ARMC6: variants seen among roughly 807,000 people sequenced by gnomAD.
ARMC6 encodes the protein armadillo repeat containing 6.
Under a neutral mutation model 49.2 loss-of-function variants are expected in ARMC6, and 43 were observed. The ratio of observed to expected loss-of-function variants is 0.87; its 90% CI spans 0.69 to 1.13. ARMC6 has a LOEUF of 1.13. Among genes scored for constraint, ARMC6 ranks in the 50% most tolerant of loss-of-function variants. ARMC6 has a pLI of 0.00. For missense variants in ARMC6, 627 were observed against 682.0 expected (o/e 0.92, Z 0.90); for synonymous variants, 262 against 289.6 (o/e 0.90, Z 0.97).
At chr19:19,034,318 G>C (rs1403490838) in intron 2 of ARMC6, 80 bp downstream of exon 2, 3 of 1,502,736 alleles carry the variant, frequency 2.0e-6, no homozygotes, top group Non-Finnish European at 2.7e-6. Flanking sequence ...TTTGAAGGCT[G>C]TCTCTTGAGT....
intron 4 of ARMC6, among the ~76,000 whole-genome samples, chr19:19,051,248 G>T (rs4808180): frequency 0.064 from 9,814 of 152,252 alleles, 381 homozygotes; most frequent in Middle Eastern, 0.15. Flanking sequence ...TCAACTGGAT[G>T]GTTCTTCTGC....
rs773140679 is a variant in ARMC6, at chr19:19,051,980, G to A, written c.638G>A (p.Arg213Gln). 8.7e-6 allele frequency: 14 copies of A among 1,613,930 alleles called. No individual in the cohort carries two copies. Among genetic ancestry groups the A allele is most frequent in the Admixed American group, 6.7e-5 (4 of 60,008 alleles). The change falls in exon 5 of 9, where the codon CGG becomes CAG. Residue 213 changes from arginine to glutamine, a missense_variant. By Grantham distance (43) the Arg-to-Gln change is conservative (BLOSUM62 1). Coordinates refer to ENST00000535612, the MANE Select transcript of ARMC6 (RefSeq NM_001199196.2). ...GCTTGCCTGAAACATGAACAGAATC[G>A]GCAAGACCTGGTGAAAGCTGGCGTG... ...RHACLKHEQN[R>Q]QDLVKAGVLP... is the part of the protein sequence containing the mutation.
intron 4 of ARMC6, among the ~76,000 whole-genome samples, chr19:19,048,042 C>G (rs951318326): frequency 6.6e-6 from 1 of 151,968 alleles, no homozygotes; most frequent in Non-Finnish European, 1.5e-5. Context: ...CAAAACCCAT[C>G]TCTACAAAAA....
At position 19,054,279 on chromosome 19, in the gene ARMC6, C is replaced by T. The variant is rs773595219; in HGVS notation, c.981C>T (p.Ala327=). 2.4e-5 allele frequency: 39 copies of T among 1,607,788 alleles called. No homozygotes were observed. The highest frequency in any genetic ancestry group is 4.4e-5 in the South Asian group (4 of 90,256). The change falls in exon 6 of 9, where the codon GCC becomes GCT. Residue 327 remains alanine, a synonymous_variant. Transcript: ENST00000535612. Reference sequence around the variant, plus strand: ...TGAGCATTCTGGTGTCCCTGCTAGCCGACTGCAATGACCACCAGATGAGGG... The same window carrying T: ...TGAGCATTCTGGTGTCCCTGCTAGCTGACTGCAATGACCACCAGATGAGGG... ...GGLSILVSLL[A]DCNDHQMRDQ... is the part of the protein sequence containing the mutation.
At chr19:19,049,626 T>G (rs1289480381) in intron 4 of ARMC6, among the ~76,000 whole-genome samples, 1 of 152,252 alleles carries the variant, frequency 6.6e-6, no homozygotes, top group African/African-American at 2.4e-5. Flanking sequence ...ATCCATGACT[T>G]GCGATACTGA....
At chr19:19,040,594 G>T (rs921695461) in intron 2 of ARMC6, 7 of 248,862 alleles carry the variant, frequency 2.8e-5, no homozygotes, top group African/African-American at 1.2e-4. Context: ...CTGGATTCTT[G>T]GCCAGTTTTC....
chr19:19,036,514 C>T (rs962838770), intron 2 of ARMC6, among the ~76,000 whole-genome samples: 2 of 152,176 alleles, frequency 1.3e-5, no homozygotes, highest in African/African-American at 4.8e-5. Flanking sequence ...AGGTAAAGAT[C>T]TTGAGGGCCA....
At position 19,050,715 on chromosome 19, in the gene ARMC6, T is replaced by G. The variant is rs543181004; in HGVS notation, c.280-907T>G. On this transcript the variant is annotated intron_variant, in intron 4 of 8. Coordinates refer to ENST00000535612, the MANE Select transcript of ARMC6 (RefSeq NM_001199196.2). ...AAAACTTACCTTTTTAAATATCCTG[T>G]TGCATTGTAACATATACTTAGGTCC... Among the ~76,000 whole-genome samples, 301 of 152,358 alleles carry G rather than the reference T, an allele frequency of 2.0e-3. 1 individual carries two copies. The highest frequency in any genetic ancestry group is 7.0e-3 in the African/African-American group (290 of 41,590).
chr19:19,040,764 C>G (rs2059405906), intron 2 of ARMC6: 1 of 447,644 alleles, frequency 2.2e-6, no homozygotes, highest in Admixed American at 2.4e-5. Flanking sequence ...TCTCCTACCT[C>G]GGTCTCCCTG....
At position 19,055,233 on chromosome 19, in the gene ARMC6, G is replaced by T. The variant is rs756109914; in HGVS notation, c.1024-32G>T. 6 of 1,554,832 alleles carry T rather than the reference G, an allele frequency of 3.9e-6. No individual in the cohort carries two copies. The African/African-American group carries it at 8.2e-5, about 21-fold the overall frequency. ...GCCCTCTCCCACAACCAGCGGCCTGGCTGGAGGTGAGCGGGCCTTTCCCTT... is the reference window on the plus strand; with the variant it reads ...GCCCTCTCCCACAACCAGCGGCCTGTCTGGAGGTGAGCGGGCCTTTCCCTT... On this transcript the variant is annotated intron_variant, in intron 6 of 8. Coordinates refer to ENST00000535612, the MANE Select transcript of ARMC6 (RefSeq NM_001199196.2). The surrounding 1 kb of genome is among the most constrained non-coding windows in gnomAD (Gnocchi z 5.7).
At chr19:19,052,827 G>T (rs1280729364) in intron 5 of ARMC6, among the ~76,000 whole-genome samples, 2 of 152,336 alleles carry the variant, frequency 1.3e-5, no homozygotes, top group East Asian at 1.9e-4. Context: ...CTGTGTGGGG[G>T]TTCTGGCTCT....
chr19:19,043,591 G>A (rs929875669), intron 3 of ARMC6, among the ~76,000 whole-genome samples: 1 of 152,122 alleles, frequency 6.6e-6, no homozygotes, highest in Non-Finnish European at 1.5e-5. Flanking sequence ...CACTGTAGGG[G>A]CTCCCTGTGG....
Position 19,057,402 on chromosome 19 carries a change from G to T in ARMC6, c.1294-14G>T. ...AAGCCCCATCTGGCAGCTCACAGCT[G>T]CTCTCTCCTACAGAAACAGGCTTGC... On this transcript the variant is annotated splice_polypyrimidine_tract_variant and intron_variant, in intron 8 of 8. Transcript: ENST00000535612. 1 of 1,609,256 alleles carries T rather than the reference G, an allele frequency of 6.2e-7. No homozygotes were observed. The highest frequency in any genetic ancestry group is 1.1e-5 in the South Asian group (1 of 90,668).
chr19:19,048,563 C>T (rs1311294053), intron 4 of ARMC6, among the ~76,000 whole-genome samples: 1 of 151,288 alleles, frequency 6.6e-6, no homozygotes, highest in African/African-American at 2.4e-5. Flanking sequence ...TATCTAAAGA[C>T]CTAGAATCAA....
At chr19:19,051,209 T>C (rs1049939814) in intron 4 of ARMC6, among the ~76,000 whole-genome samples, 1 of 152,170 alleles carries the variant, frequency 6.6e-6, no homozygotes, top group Non-Finnish European at 1.5e-5. Context: ...AGGCATCTTA[T>C]TGTTTCTTGT....
rs774700681 is a variant in ARMC6 at position 19,051,961 on chromosome 19, C to T, written c.619C>T (p.Leu207=). The part of the protein sequence containing the change: ...SGIRCVRHAC[L]KHEQNRQDLV... The stretch of plus-strand genomic sequence containing the variant: ...GATCCGCTGTGTGCGTCACGCTTGC[C>T]TGAAACATGAACAGAATCGGCAAGA... The change falls in exon 5 of 9, where the codon CTG becomes TTG. Residue 207 remains leucine, a synonymous_variant. Coordinates refer to ENST00000535612, the MANE Select transcript of ARMC6 (RefSeq NM_001199196.2). The T allele has an allele frequency of 2.4e-5, 38 of 1,614,050 alleles. No homozygotes were observed. The highest frequency in any genetic ancestry group is 3.1e-5 in the Non-Finnish European group (36 of 1,180,046).
Position 19,033,633 on chromosome 19 carries a change from T to C in ARMC6, c.-377T>C. On this transcript the variant is annotated 5_prime_UTR_variant, in exon 1 of 9. Coordinates refer to ENST00000535612, the MANE Select transcript of ARMC6 (RefSeq NM_001199196.2). ...CCGGCTCTCTTGCGCAAGCGCGCTGTCCGCTTCTTCTGGGCGGACGCTCTG... is the reference window on the plus strand; with the variant it reads ...CCGGCTCTCTTGCGCAAGCGCGCTGCCCGCTTCTTCTGGGCGGACGCTCTG... The C allele has an allele frequency of 8.9e-7, 1 of 1,120,590 alleles. No individual in the cohort carries two copies. Among genetic ancestry groups the C allele is most frequent in the Non-Finnish European group, 1.1e-6 (1 of 908,068 alleles). The allele number at this position is 1,120,590 out of a possible 1,614,324, so 69.4% of individuals were successfully genotyped here.
intron 2 of ARMC6, among the ~76,000 whole-genome samples, chr19:19,040,468 G>C (rs2059403427): frequency 6.6e-6 from 1 of 152,092 alleles, no homozygotes; most frequent in Admixed American, 6.6e-5. Flanking sequence ...TAGAGACAGT[G>C]TCTCGCTACG....
At position 19,055,539 on chromosome 19, in the gene ARMC6, C is replaced by CCTG; in HGVS notation, c.1155+145_1155+147dup. On this transcript the variant is annotated intron_variant, in intron 7 of 8. Transcript: ENST00000535612. This position sits in a 1 kb window ranked among gnomAD's most constrained non-coding sequence, Gnocchi z 5.7. ...GTGGGCATTGGCTCTCAAATGCTGACCTGCGTATGCATGACTTTGGGTGTC... is the reference window on the plus strand; with the variant it reads ...GTGGGCATTGGCTCTCAAATGCTGACCTGCTGCGTATGCATGACTTTGGGTGTC... 7.8e-7 allele frequency: 1 copy of CCTG among 1,287,796 alleles called. No individual in the cohort carries two copies. Among genetic ancestry groups the CCTG allele is most frequent in the Non-Finnish European group, 1.0e-6 (1 of 952,594 alleles). The allele number at this position is 1,287,796 out of a possible 1,614,324, so 79.8% of individuals were successfully genotyped here.
Sources: allele counts gnomAD v4.1 joint callset (sites outside exome capture counted in the v4.1 genomes callset), GRCh38; gene constraint gnomAD v4.1.1; non-coding constraint Gnocchi (gnomAD v3.1); transcripts MANE v1.5; gene names NCBI Gene and HGNC (gene_info 2026-07-23, HGNC 2026-07-21).